Variants in BRWD1 observed in about 807,000 individuals in gnomAD.
The protein encoded by BRWD1 is bromodomain and WD repeat domain containing 1.
Under a neutral mutation model 251.2 loss-of-function variants are expected in BRWD1, and 82 were observed. The ratio of observed to expected loss-of-function variants is 0.33; its 90% CI spans 0.27 to 0.39. The LOEUF (loss-of-function observed/expected upper bound fraction) is 0.39. Among genes scored for constraint, BRWD1 ranks in the 10% least tolerant of loss-of-function variants. The pLI, the probability that BRWD1 is intolerant of heterozygous loss-of-function variation, is 1.00. For synonymous variants in BRWD1, 918 were observed against 902.8 expected (o/e 1.02, Z -0.30); for missense variants, 2,233 against 2,711.6 (o/e 0.82, Z 3.92).
rs1046670628 is a variant in BRWD1, at chr21:39,285,772, C to A, written c.832-5524G>T. 2.8e-5 allele frequency among the ~76,000 whole-genome samples: 4 copies of A among 141,272 alleles called. No individual in the cohort carries two copies. In the Admixed American group the frequency reaches 3.2e-4, roughly 11 times the overall value. The allele number at this position is 141,272 out of a possible 152,430, so 92.7% of individuals were successfully genotyped here. On this transcript the variant is annotated intron_variant, in intron 8 of 40. Transcript: ENST00000342449. ...CCCATCTCTACTCAAAAAACACACA[C>A]AAAAAAACTTAGCCAGGTGTGGTGA... is the stretch of plus-strand genomic sequence containing the variant.
downstream of BRWD1, chr21:39,185,066 G>T (rs1048419020): frequency 6.6e-6 from 1 of 152,034 alleles, no homozygotes; most frequent in Non-Finnish European, 1.5e-5. Flanking sequence ...ATTTCAGAGA[G>T]AACAATTTTA....
intron 8 of BRWD1, among the ~76,000 whole-genome samples, chr21:39,283,145 T>C (rs1332571064): frequency 6.6e-6 from 1 of 152,238 alleles, no homozygotes; most frequent in African/African-American, 2.4e-5. Context: ...AACATTTTTA[T>C]ATCTCCAGCA....
chr21:39,291,749 C>T (rs1461269620), intron 8 of BRWD1, among the ~76,000 whole-genome samples: 1 of 151,954 alleles, frequency 6.6e-6, no homozygotes, highest in Non-Finnish European at 1.5e-5. Flanking sequence ...CATCACGTGA[C>T]ATATGTGTCA....
At chr21:39,199,854 G>A (rs879330228) in intron 39 of BRWD1, among the ~76,000 whole-genome samples, 192 bp from the exon 40 acceptor site, 4 of 152,138 alleles carry the variant, frequency 2.6e-5, no homozygotes, top group South Asian at 2.1e-4. Context: ...GGGTGCAAGC[G>A]ATTCTCCTAC....
intron 15 of BRWD1, among the ~76,000 whole-genome samples, chr21:39,266,128 C>G (rs566480426): frequency 1.3e-5 from 2 of 152,146 alleles, no homozygotes; most frequent in African/African-American, 4.8e-5. Context: ...CTCACGTCCA[C>G]GCCCAAGTAA....
intron 3 of BRWD1, 44 bp from the exon 4 acceptor site, chr21:39,312,944 CGGGGG>C: frequency 1.6e-6 from 1 of 622,824 alleles, no homozygotes; most frequent in Non-Finnish European, 1.9e-6. Flanking sequence ...CCCTCCGGCG[CGGGGG>C]GGGCGGGGGG....
At chr21:39,239,193 A>G (rs2033909594) in intron 21 of BRWD1, among the ~76,000 whole-genome samples, 1 of 152,102 alleles carries the variant, frequency 6.6e-6, no homozygotes, top group Non-Finnish European at 1.5e-5. Context: ...AGTGTAGTCC[A>G]AATTTTTTAT....
chr21:39,209,342 G>C (rs761589649), intron 36 of BRWD1, among the ~76,000 whole-genome samples: 1 of 151,384 alleles, frequency 6.6e-6, no homozygotes, highest in African/African-American at 2.4e-5. Flanking sequence ...ACCGGAGTCA[G>C]ATTTGAAATT....
rs572779238 is a variant in BRWD1, at chr21:39,233,698, G to A, written c.2767-1200C>T. On this transcript the variant is annotated intron_variant, in intron 23 of 40. Coordinates refer to ENST00000342449, the MANE Select transcript of BRWD1 (RefSeq NM_033656.4). ...GTTTAACTGTCAAGCCCACTACTCAGAACAGTGGAGATGGAGAAGTGTTAA... is the reference window on the plus strand; with the variant it reads ...GTTTAACTGTCAAGCCCACTACTCAAAACAGTGGAGATGGAGAAGTGTTAA... Among the ~76,000 whole-genome samples, 11 of 152,336 alleles carry A rather than the reference G, an allele frequency of 7.2e-5. No homozygotes were observed. In the South Asian group the frequency reaches 1.4e-3, roughly 20 times the overall value.
intron 4 of BRWD1, among the ~76,000 whole-genome samples, chr21:39,307,587 G>C (rs986286708): frequency 6.6e-6 from 1 of 152,138 alleles, no homozygotes; most frequent in Non-Finnish European, 1.5e-5. Context: ...AAACTGGGAG[G>C]AGACTGGTAT....
intron 8 of BRWD1, among the ~76,000 whole-genome samples, chr21:39,282,293 G>A (rs996654403): frequency 6.6e-6 from 1 of 151,916 alleles, no homozygotes; most frequent in East Asian, 1.9e-4. Flanking sequence ...CAAAGAAGGA[G>A]CTTAGAAAAG....
Position 39,209,978 on chromosome 21 carries a change from A to T in BRWD1, c.4197+17T>A, listed in dbSNP as rs756856252. The T allele has an allele frequency of 3.1e-6, 5 of 1,605,924 alleles. No homozygotes were observed. The highest frequency in any genetic ancestry group is 4.3e-6 in the Non-Finnish European group (5 of 1,176,466). On this transcript the variant is annotated intron_variant, in intron 36 of 40. Transcript: ENST00000342449. ...CAGATCAGGCAGTTTTTTTCAATAA[A>T]CCACATAAAAAATTACCTTTGATCT...
intron 15 of BRWD1, among the ~76,000 whole-genome samples, chr21:39,267,411 T>C (rs528142510): frequency 1.3e-5 from 2 of 152,104 alleles, no homozygotes; most frequent in African/African-American, 2.4e-5. Context: ...CTGGCTAACA[T>C]GGTGAAACCC....
chr21:39,298,784 C>T (rs1222027149), intron 4 of BRWD1, among the ~76,000 whole-genome samples: 1 of 152,128 alleles, frequency 6.6e-6, no homozygotes, highest in African/African-American at 2.4e-5. Context: ...CTCAAAACTT[C>T]AGCAACATTT....
At chr21:39,223,126 A>G (rs770900065) in intron 29 of BRWD1, among the ~76,000 whole-genome samples, 21 of 152,222 alleles carry the variant, frequency 1.4e-4, no homozygotes, top group Non-Finnish European at 2.8e-4. Flanking sequence ...AAAGGATATT[A>G]GTGAAACAGA....
chr21:39,189,866 T>C lies in BRWD1; in HGVS notation c.*6393A>G, dbSNP rs938577115. The C allele has an allele frequency of 7.1e-6, 7 of 985,266 alleles. No individual in the cohort carries two copies. The highest frequency in any genetic ancestry group is 8.4e-6 in the Non-Finnish European group (7 of 829,892). 61.0% of individuals were successfully genotyped at this position (985,266 alleles called of 1,614,324 possible). On this transcript the variant is annotated 3_prime_UTR_variant, in exon 41 of 41. Transcript: ENST00000342449. ...ACTCTGGATGTTGCTGCTCTAACAA[T>C]GCATTTGTGATGGTGCCATGTGATA...
intron 8 of BRWD1, among the ~76,000 whole-genome samples, chr21:39,283,162 A>C (rs2035526359): frequency 6.6e-6 from 1 of 152,182 alleles, no homozygotes; most frequent in Non-Finnish European, 1.5e-5. Flanking sequence ...AGCATGGCTA[A>C]ACAATTCTTT....
intron 21 of BRWD1, among the ~76,000 whole-genome samples, chr21:39,241,252 G>A (rs1297375471): frequency 6.6e-6 from 1 of 151,496 alleles, no homozygotes; most frequent in African/African-American, 2.4e-5. Flanking sequence ...GATCACTTGA[G>A]GTCAGGAGTT....
intron 4 of BRWD1, among the ~76,000 whole-genome samples, chr21:39,299,242 T>G (rs1017713848): frequency 1.4e-4 from 6 of 44,076 alleles, no homozygotes; most frequent in Non-Finnish European, 3.4e-4. Flanking sequence ...CTAACTCGCC[T>G]GTCTCAAAAA....
Sources: allele counts gnomAD v4.1 joint callset (sites outside exome capture counted in the v4.1 genomes callset), GRCh38; gene constraint gnomAD v4.1.1; transcripts MANE v1.5; gene names NCBI Gene and HGNC (gene_info 2026-07-23, HGNC 2026-07-21).